Variants in MBOAT7 observed in about 807,000 individuals in gnomAD.
MBOAT7 encodes membrane bound acylglycerophosphatidylinositol O-acyltransferase MBOAT7, also known as membrane-bound acylglycerophosphatidylinositol O-acyltransferase MBOAT7.
A neutral mutation model predicts 47.4 loss-of-function variants in MBOAT7; 40 were observed. The observed-to-expected ratio is 0.84, with a 90% CI of 0.66 to 1.10. MBOAT7 has a LOEUF of 1.10. Ranked by LOEUF, MBOAT7 falls within the 50% of genes least tolerant of loss-of-function variation. MBOAT7 has a pLI of 0.00. For missense variants in MBOAT7, 680 were observed against 655.6 expected (o/e 1.04, Z -0.41); for synonymous variants, 361 against 292.0 (o/e 1.24, Z -2.41).
chr19:54,174,354 G>A lies in MBOAT7; in HGVS notation c.1109C>T (p.Pro370Leu), dbSNP rs754520819. 3 of 1,612,432 alleles carry A rather than the reference G, an allele frequency of 1.9e-6. No individual in the cohort carries two copies. The highest frequency in any genetic ancestry group is 1.1e-5 in the South Asian group (1 of 90,920). The change falls in exon 8 of 8, where the codon CCG becomes CTG. Residue 370 changes from proline (P) to leucine (L), a missense_variant. Physicochemically the swap from Pro to Leu is moderately conservative, Grantham distance 98. Coordinates refer to ENST00000245615, the MANE Select transcript of MBOAT7 (RefSeq NM_024298.5). ...PGYYLSFLTI[P>L]LCLAAEGRLE... ...CCGGCCCTCGGCAGCCAGGCACAGC[G>A]GGATGGTCAGGAAGCTCAGGTAGTA...
intron 7 of MBOAT7, among the ~76,000 whole-genome samples, chr19:54,175,487 G>C (rs142836080): frequency 1.3e-5 from 2 of 152,286 alleles, no homozygotes; most frequent in East Asian, 1.9e-4. Flanking sequence ...AGATCCAGAA[G>C]TCCCTGGCCT....
In MBOAT7 at chr19:54,174,063, T is replaced by G. The variant is rs1458786542; in HGVS notation, c.1400A>C (p.Glu467Ala). Residue 467 changes from glutamate (E) to alanine (A), a missense_variant, in exon 8 of 8, where the codon GAG becomes GCG. Physicochemically the swap from Glu to Ala is moderately radical, Grantham distance 107 (BLOSUM62 -1). Transcript: ENST00000245615. ...GACAGCTTACTCCTCCCGGAGCTTC[T>G]CCGGGGCAAGGCTGGTGGGCTGGGA... ...AASQPTSLAP[E>A]KLREE The G allele has an allele frequency of 6.2e-7, 1 of 1,600,660 alleles. No homozygotes were observed. The highest frequency in any genetic ancestry group is 8.5e-7 in the Non-Finnish European group (1 of 1,175,004).
chr19:54,175,559 T>C (rs771344154), intron 7 of MBOAT7, among the ~76,000 whole-genome samples: 17 of 152,112 alleles, frequency 1.1e-4, no homozygotes, highest in Non-Finnish European at 1.0e-4. Context: ...CCCAGCACCA[T>C]CTTTCCTCAC....
At chr19:54,178,580 G>A (rs1008780836) in intron 7 of MBOAT7, 185 bp downstream of exon 7, 4 of 1,427,192 alleles carry the variant, frequency 2.8e-6, no homozygotes, top group Non-Finnish European at 3.7e-6. Flanking sequence ...CCCCGAGAGG[G>A]GGAACGATTT....
intron 6 of MBOAT7, chr19:54,179,164 GTTC>G (rs1469705585): frequency 1.0e-5 from 6 of 593,714 alleles, no homozygotes; most frequent in Admixed American, 6.4e-5. Context: ...TGACAATGGG[GTTC>G]TTCTTCTTTT....
rs564449509 is a variant in MBOAT7 at position 54,189,435 on chromosome 19, G to C, written c.-101C>G. 2 of 152,828 alleles carry C rather than the reference G, an allele frequency of 1.3e-5. No homozygotes were observed. The highest frequency in any genetic ancestry group is 4.8e-5 in the African/African-American group (2 of 41,460). The allele number at this position is 152,828 out of a possible 1,614,324, so 9.5% of individuals were successfully genotyped here. ...CCCCCGCCCAGCGCGCCCCCGCGCC[G>C]CCTGCTCCTTCTGGGCGCCCGCCGG... On this transcript the variant is annotated 5_prime_UTR_variant, in exon 1 of 8. Coordinates refer to ENST00000245615, the MANE Select transcript of MBOAT7 (RefSeq NM_024298.5).
intron 7 of MBOAT7, among the ~76,000 whole-genome samples, chr19:54,175,226 C>T (rs527270840): frequency 1.3e-5 from 2 of 152,164 alleles, no homozygotes. Context: ...GATCTGCCCG[C>T]CTTGGCCTCC....
chr19:54,178,960 G>A lies in MBOAT7; in HGVS notation c.855-19C>T, dbSNP rs1181207169. 1 of 1,611,112 alleles carries A rather than the reference G, an allele frequency of 6.2e-7. No individual in the cohort carries two copies. The highest frequency in any genetic ancestry group is 8.5e-7 in the Non-Finnish European group (1 of 1,178,864). On this transcript the variant is annotated intron_variant, in intron 6 of 7. Transcript: ENST00000245615. ...CTCCGGACTGGGGGGTGGAGGATGA[G>A]GGTGGGGGACAGACATGCAGCTCAG...
intron 5 of MBOAT7, among the ~76,000 whole-genome samples, chr19:54,181,925 G>GGAA (rs2076293452): frequency 2.7e-5 from 1 of 37,392 alleles, no homozygotes; most frequent in South Asian, 1.2e-3. Context: ...GAAGGAGGGA[G>GGAA]GGAGGGAGGG....
intron 7 of MBOAT7, among the ~76,000 whole-genome samples, chr19:54,177,149 C>T (rs1369588550): frequency 2.6e-5 from 1 of 39,028 alleles, no homozygotes; most frequent in Admixed American, 3.2e-4. Flanking sequence ...GACAGAGCAT[C>T]AAAATACTAA....
intron 7 of MBOAT7, among the ~76,000 whole-genome samples, chr19:54,176,795 GT>G (rs1368519970): frequency 2.6e-5 from 4 of 152,102 alleles, no homozygotes; most frequent in Non-Finnish European, 4.4e-5. Context: ...GCTCATGCTT[GT>G]AATCTCAGCA....
In MBOAT7 at chr19:54,188,340, C is replaced by A. The variant is rs1044186208; in HGVS notation, c.83G>T (p.Gly28Val). ...AGCGGCTGCTCCCCATCTCTTCAGC[C>A]CAGGACCTGCAGGGGGAAGGGACAG... ...IGFLFKKAGP[G>V]LKRWGAAAVG... Residue 28 changes from glycine (G) to valine (V), a missense_variant, in exon 3 of 8, where the codon GGG (glycine) becomes GTG (valine). Coordinates refer to ENST00000245615, the MANE Select transcript of MBOAT7 (RefSeq NM_024298.5). The A allele has an allele frequency of 6.2e-7, 1 of 1,613,626 alleles. No homozygotes were observed. Among genetic ancestry groups the A allele is most frequent in the Non-Finnish European group, 8.5e-7 (1 of 1,179,860 alleles).
chr19:54,179,702 C>T (rs2076212228), intron 6 of MBOAT7: 2 of 152,210 alleles, frequency 1.3e-5, no homozygotes, highest in African/African-American at 4.8e-5. Flanking sequence ...GACATCCTCT[C>T]TCTAGCAGCT....
intron 6 of MBOAT7, chr19:54,179,524 G>GCAATACAGTGGCT (rs2076208304): frequency 6.5e-6 from 1 of 154,414 alleles, no homozygotes; most frequent in African/African-American, 2.4e-5. Flanking sequence ...GTCACCTCTA[G>GCAATACAGTGGCT]CAATACAGTG....
chr19:54,178,960 G>C lies in MBOAT7; in HGVS notation c.855-19C>G. 6.2e-7 allele frequency: 1 copy of C among 1,611,112 alleles called. No individual in the cohort carries two copies. Among genetic ancestry groups the C allele is most frequent in the Non-Finnish European group, 8.5e-7 (1 of 1,178,864 alleles). ...CTCCGGACTGGGGGGTGGAGGATGA[G>C]GGTGGGGGACAGACATGCAGCTCAG... On this transcript the variant is annotated intron_variant, in intron 6 of 7. Transcript: ENST00000245615.
rs2076510541 is a variant in MBOAT7 at position 54,188,241 on chromosome 19, C to CG, written c.181_182insC (p.Trp61SerfsTer58). 6.2e-7 allele frequency: 1 copy of CG among 1,613,358 alleles called. No individual in the cohort carries two copies. The highest frequency in any genetic ancestry group is 8.5e-7 in the Non-Finnish European group (1 of 1,179,734). On this transcript the variant is annotated frameshift_variant, in exon 3 of 8. Coordinates refer to ENST00000245615, the MANE Select transcript of MBOAT7 (RefSeq NM_024298.5). LOFTEE classifies it high-confidence loss of function. ...CCAGGGCTGGGCCTGAATGAGGGCC[C>CG]AGGTCCCGAGGATGGTGACCAGAGA...
At chr19:54,184,219 C>T (rs13347014) in intron 4 of MBOAT7, among the ~76,000 whole-genome samples, 1 of 135,322 alleles carries the variant, frequency 7.4e-6, no homozygotes, top group African/African-American at 2.8e-5. Context: ...CTGGAGTATA[C>T]TGGTGTGATC....
At position 54,174,066 on chromosome 19, in the gene MBOAT7, G is replaced by T. The variant is rs148708963; in HGVS notation, c.1397C>A (p.Pro466Gln). 6.2e-7 allele frequency: 1 copy of T among 1,601,596 alleles called. No homozygotes were observed. The highest frequency in any genetic ancestry group is 8.5e-7 in the Non-Finnish European group (1 of 1,175,362). Residue 466 changes from proline to glutamine, a missense_variant, in exon 8 of 8, where the codon CCG (proline) becomes CAG (glutamine). Physicochemically the swap from Pro to Gln is moderately conservative, Grantham distance 76. Transcript: ENST00000245615. Reference sequence around the variant, plus strand: ...AGCTTACTCCTCCCGGAGCTTCTCCGGGGCAAGGCTGGTGGGCTGGGATGC... The same window carrying T: ...AGCTTACTCCTCCCGGAGCTTCTCCTGGGCAAGGCTGGTGGGCTGGGATGC... The part of the protein sequence containing the change: ...KAASQPTSLA[P>Q]EKLREE
intron 7 of MBOAT7, among the ~76,000 whole-genome samples, chr19:54,176,671 C>T (rs1163662606): frequency 6.6e-6 from 1 of 152,144 alleles, no homozygotes; most frequent in East Asian, 1.9e-4. Context: ...CCTGGGGGTG[C>T]AGCAGCAGCA....
Sources: allele counts gnomAD v4.1 joint callset (sites outside exome capture counted in the v4.1 genomes callset), GRCh38; gene constraint gnomAD v4.1.1; transcripts MANE v1.5; gene names NCBI Gene and HGNC (gene_info 2026-07-23, HGNC 2026-07-21).